Variants in NETO1 observed in about 807,000 individuals in gnomAD.
NETO1 encodes the protein neuropilin and tolloid like 1.
A neutral mutation model predicts 61.3 loss-of-function variants in NETO1; 26 were observed. That is an observed-to-expected ratio of 0.42 (90% confidence interval 0.31 to 0.59). The LOEUF (loss-of-function observed/expected upper bound fraction) is 0.59, where lower values mean the gene tolerates loss of function less well. Among genes scored for constraint, NETO1 ranks in the 20% least tolerant of loss-of-function variants. NETO1 has a pLI of 0.12. For missense variants in NETO1, 531 were observed against 662.8 expected, an observed-to-expected ratio of 0.80 and a Z score of 2.18; for synonymous variants, 225 against 225.8, an observed-to-expected ratio of 1.00 and a Z score of 0.03.
chr18:72,858,585 G>C (rs1023701916), intron 4 of NETO1, among the ~76,000 whole-genome samples: 1 of 152,098 alleles, frequency 6.6e-6, no homozygotes. Context: ...TTGATGATGT[G>C]GCTGATGCCC....
intron 7 of NETO1, among the ~76,000 whole-genome samples, chr18:72,765,419 TC>T (rs1444992198): frequency 1.6e-4 from 24 of 151,396 alleles, no homozygotes; most frequent in African/African-American, 5.1e-4. Flanking sequence ...CAATAAAAAT[TC>T]TTTTTTTTTT....
chr18:72,764,075 A>G (rs1490147791), intron 7 of NETO1, among the ~76,000 whole-genome samples: 2 of 152,140 alleles, frequency 1.3e-5, no homozygotes, highest in East Asian at 3.9e-4. Context: ...TGATTCAATT[A>G]TTTCCACCTG....
chr18:72,755,227 A>T (rs968256575), intron 8 of NETO1, among the ~76,000 whole-genome samples: 1 of 152,226 alleles, frequency 6.6e-6, no homozygotes. Flanking sequence ...GGATTACGAA[A>T]GTAATCAACA....
At chr18:72,836,870 G>A (rs1027724514) in intron 4 of NETO1, among the ~76,000 whole-genome samples, 9 of 152,164 alleles carry the variant, frequency 5.9e-5, no homozygotes, top group Non-Finnish European at 1.2e-4. Context: ...TGAAAGAAAG[G>A]AGATAGCTAT....
chr18:72,755,430 G>A (rs2070751197), intron 8 of NETO1, among the ~76,000 whole-genome samples: 1 of 152,000 alleles, frequency 6.6e-6, no homozygotes, highest in African/African-American at 2.4e-5. Context: ...ACTTCACATG[G>A]CAGTTTCATC....
intron 7 of NETO1, among the ~76,000 whole-genome samples, chr18:72,757,400 TA>T (rs35175814): frequency 2.0e-5 from 3 of 150,476 alleles, no homozygotes; most frequent in South Asian, 2.1e-4. Flanking sequence ...AGAAATCCTT[TA>T]AAAAAAAACA....
chr18:72,838,978 C>A (rs1274571706), intron 4 of NETO1, among the ~76,000 whole-genome samples: 2 of 152,126 alleles, frequency 1.3e-5, no homozygotes, highest in Admixed American at 6.5e-5. Flanking sequence ...GTTTTAGAAG[C>A]TAAAACAGAT....
In NETO1 at chr18:72,859,060, A is replaced by G. The variant is rs2074490670; in HGVS notation, c.235T>C (p.Cys79Arg). The G allele has an allele frequency of 1.2e-6, 2 of 1,612,604 alleles. No homozygotes were observed. Among genetic ancestry groups the G allele is most frequent in the East Asian group, 4.5e-5 (2 of 44,818 alleles). Residue 79 changes from cysteine to arginine, a missense_variant, in exon 4 of 11, where the codon TGC becomes CGC. Coordinates refer to ENST00000327305, the MANE Select transcript of NETO1 (RefSeq NM_138966.5). ...TTTTCATCAAAGTAAAGTTCAATGC[A>G]CTGTCTTGGAGCGGCTGTAAAGAAG... is the stretch of plus-strand genomic sequence containing the variant. Reference protein sequence around the residue: ...IYIIEAAPRQCIELYFDEKYS... With the variant: ...IYIIEAAPRQRIELYFDEKYS...
intron 7 of NETO1, among the ~76,000 whole-genome samples, chr18:72,780,571 C>T (rs1042799417): frequency 2.0e-5 from 3 of 152,062 alleles, no homozygotes; most frequent in African/African-American, 7.3e-5. Flanking sequence ...TCCTCTATAC[C>T]GTTCATGCCA....
At chr18:72,851,580 C>G (rs2145577698) in intron 4 of NETO1, among the ~76,000 whole-genome samples, 1 of 152,172 alleles carries the variant, frequency 6.6e-6, no homozygotes, top group South Asian at 2.1e-4. Context: ...TTGAGAAGAA[C>G]AGGAAATGAA....
chr18:72,833,307 T>A (rs2076701334), intron 4 of NETO1, among the ~76,000 whole-genome samples: 1 of 152,182 alleles, frequency 6.6e-6, no homozygotes, highest in Non-Finnish European at 1.5e-5. Context: ...ACTTTAGATC[T>A]GTACTTGAAT....
In NETO1 at chr18:72,849,506, T is replaced by C. The variant is rs572867455; in HGVS notation, c.469+9320A>G. The stretch of plus-strand genomic sequence containing the variant: ...GTAAGATTCATATTTCTACTAACAG[T>C]AAGTTTAAGGCAATATAGACGTTTT... On this transcript the variant is annotated intron_variant, in intron 4 of 10. Coordinates refer to ENST00000327305, the MANE Select transcript of NETO1 (RefSeq NM_138966.5). 1.2e-4 allele frequency among the ~76,000 whole-genome samples: 18 copies of C among 152,332 alleles called. No individual in the cohort carries two copies. The South Asian group carries it at 3.7e-3, about 32-fold the overall frequency.
intron 1 of NETO1, chr18:72,866,633 G>C: frequency 1.2e-6 from 1 of 841,486 alleles, no homozygotes; most frequent in Non-Finnish European, 1.4e-6. Context: ...TCTTTGCTTA[G>C]TAATGATACA....
intron 7 of NETO1, among the ~76,000 whole-genome samples, chr18:72,767,730 G>A (rs1444620800): frequency 6.6e-6 from 1 of 151,866 alleles, no homozygotes; most frequent in African/African-American, 2.4e-5. Context: ...AAAACAGGAA[G>A]GAAGGGAGGT....
chr18:72,750,919 C>CACACACACACACAA lies in NETO1; in HGVS notation c.983-300_983-299insTTGTGTGTGTGTGT, dbSNP rs1239227611. On this transcript the variant is annotated intron_variant, in intron 8 of 10. Transcript: ENST00000327305. Reference sequence around the variant, plus strand: ...CACACACACACACACACACAATCCTCTATCTATCTAATCTATCGTAGGTTA... The same window carrying CACACACACACACAA: ...CACACACACACACACACACAATCCTCACACACACACACAATATCTATCTAATCTATCGTAGGTTA... Among the ~76,000 whole-genome samples the CACACACACACACAA allele has an allele frequency of 3.5e-5, 3 of 84,508 alleles. No individual in the cohort carries two copies. In the Admixed American group the frequency reaches 4.7e-4, roughly 13 times the overall value. 55.4% of individuals were successfully genotyped at this position (84,508 alleles called of 152,430 possible).
intron 4 of NETO1, among the ~76,000 whole-genome samples, chr18:72,857,476 A>G (rs893614039): frequency 2.0e-5 from 3 of 152,204 alleles, no homozygotes; most frequent in Non-Finnish European, 4.4e-5. Flanking sequence ...GTGAAACCAC[A>G]ATTTTAAATC....
Position 72,750,287 on chromosome 18 carries a change from C to T in NETO1, c.1316G>A (p.Ser439Asn). 1 of 1,614,082 alleles carries T rather than the reference C, an allele frequency of 6.2e-7. No individual in the cohort carries two copies. The highest frequency in any genetic ancestry group is 8.5e-7 in the Non-Finnish European group (1 of 1,179,986). The stretch of plus-strand genomic sequence containing the variant: ...GAGGTTACTGCGGCTGCCTTTAGTG[C>T]TGGACAGCTGTGATCCACAGTGATG... ...HDHHCGSQLS[S>N]TKGSRSNLST... The change falls in exon 9 of 11, where the codon AGC becomes AAC. Residue 439 changes from serine to asparagine, a missense_variant. Transcript: ENST00000327305.
At chr18:72,823,343 A>G (rs1599079981) in intron 4 of NETO1, among the ~76,000 whole-genome samples, 1 of 152,228 alleles carries the variant, frequency 6.6e-6, no homozygotes, top group South Asian at 2.1e-4. Flanking sequence ...GGTAGGTAGT[A>G]GGTAGGAGAG....
At chr18:72,807,597 T>C (rs946416253) in intron 4 of NETO1, among the ~76,000 whole-genome samples, 3 of 152,150 alleles carry the variant, frequency 2.0e-5, no homozygotes, top group African/African-American at 7.2e-5. Context: ...GCAATACTAC[T>C]GTTCTACAGA....
Sources: gnomAD v4.1 joint callset for allele counts (sites outside exome capture counted in the v4.1 genomes callset) on GRCh38, gnomAD v4.1.1 for gene constraint, MANE v1.5 for transcripts, NCBI Gene and HGNC (gene_info 2026-07-23, HGNC 2026-07-21) for gene names.